EFHD1: variants seen among roughly 807,000 people sequenced by gnomAD.
The protein encoded by EFHD1 is EF-hand domain-containing protein D1.
EFHD1 carries 10 observed loss-of-function variants against 17.2 expected under a neutral mutation model. That is an observed-to-expected ratio of 0.58 (90% CI 0.36 to 0.99). The LOEUF is 0.99. Among genes scored for constraint, EFHD1 ranks in the 50% least tolerant of loss-of-function variants. The pLI, the probability that EFHD1 is intolerant of heterozygous loss-of-function variation, is 0.01. For missense variants in EFHD1, 310 were observed against 327.5 expected (o/e 0.95, Z 0.41); for synonymous variants, 153 against 142.0 (o/e 1.08, Z -0.55).
chr2:232,649,312 C>T (rs189966718), intron 1 of EFHD1, among the ~76,000 whole-genome samples: 9 of 152,300 alleles, frequency 5.9e-5, no homozygotes, highest in African/African-American at 1.7e-4. Flanking sequence ...GTCAAGCGGC[C>T]CACACAGTCA....
intron 1 of EFHD1, among the ~76,000 whole-genome samples, chr2:232,652,957 T>A (rs1694686776): frequency 6.6e-6 from 1 of 152,090 alleles, no homozygotes; most frequent in African/African-American, 2.4e-5. Flanking sequence ...CTTTATTATT[T>A]TTTTTCTTTT....
chr2:232,651,608 T>C (rs1247125154), intron 1 of EFHD1, among the ~76,000 whole-genome samples: 1 of 152,204 alleles, frequency 6.6e-6, no homozygotes, highest in Non-Finnish European at 1.5e-5. Context: ...GATGAGCACA[T>C]TGAGGATTCT....
At chr2:232,607,750 T>C (rs904336718) in intron 1 of EFHD1, among the ~76,000 whole-genome samples, 2 of 149,906 alleles carry the variant, frequency 1.3e-5, no homozygotes, top group Non-Finnish European at 3.0e-5. Flanking sequence ...CAAGACCCTA[T>C]CTCAAAAAAA....
chr2:232,610,687 G>C (rs1693800482), intron 1 of EFHD1: 1 of 152,214 alleles, frequency 6.6e-6, no homozygotes, highest in South Asian at 2.1e-4. Flanking sequence ...AGACCACCCT[G>C]GGCAACATGG....
intron 1 of EFHD1, among the ~76,000 whole-genome samples, chr2:232,613,674 AT>A (rs1426147338): frequency 3.0e-4 from 32 of 105,768 alleles, no homozygotes; most frequent in Admixed American, 2.0e-3. Flanking sequence ...ACACACACAA[AT>A]ATACACACAT....
intron 3 of EFHD1, among the ~76,000 whole-genome samples, chr2:232,672,816 T>C (rs1695103812): frequency 6.6e-6 from 1 of 152,198 alleles, no homozygotes; most frequent in Non-Finnish European, 1.5e-5. Context: ...TTTTAGTTTA[T>C]TCTGGAAGCT....
intron 2 of EFHD1, among the ~76,000 whole-genome samples, chr2:232,664,606 G>A (rs1459755991): frequency 1.6e-5 from 1 of 62,678 alleles, no homozygotes; most frequent in South Asian, 7.1e-4. Context: ...CCCCAAAATA[G>A]TTTTTTTTTT....
At chr2:232,657,604 G>A (rs1307831958) in intron 1 of EFHD1, among the ~76,000 whole-genome samples, 1 of 152,028 alleles carries the variant, frequency 6.6e-6, no homozygotes, top group African/African-American at 2.4e-5. Flanking sequence ...GAGGTCAGGA[G>A]TTCGAGACCC....
chr2:232,653,790 G>A (rs924210951), intron 1 of EFHD1, among the ~76,000 whole-genome samples: 1 of 152,192 alleles, frequency 6.6e-6, no homozygotes, highest in Non-Finnish European at 1.5e-5. Context: ...GTACCCAGCT[G>A]GTGGCTCTCA....
intron 3 of EFHD1, among the ~76,000 whole-genome samples, chr2:232,675,223 GAGAA>G (rs997646987): frequency 2.3e-4 from 34 of 144,940 alleles, no homozygotes; most frequent in South Asian, 2.2e-3. Flanking sequence ...AGGAAGGAAG[GAGAA>G]AGAAAGAGAG....
intron 3 of EFHD1, among the ~76,000 whole-genome samples, chr2:232,680,370 G>A: frequency 1.4e-5 from 1 of 69,272 alleles, no homozygotes; most frequent in Non-Finnish European, 2.8e-5. Flanking sequence ...TTTTAGATGG[G>A]TTTATCTGAT....
upstream of EFHD1, among the ~76,000 whole-genome samples, chr2:232,632,644 G>C (rs771646260): frequency 4.0e-5 from 6 of 151,668 alleles, no homozygotes; most frequent in Non-Finnish European, 8.8e-5. Context: ...TTTATTTTTA[G>C]AGCCAGGGTC....
At chr2:232,631,268 C>CTCTCTCTCTCTCTTTCTT (rs1694196211), upstream of EFHD1, among the ~76,000 whole-genome samples, 1 of 151,412 alleles carries the variant, frequency 6.6e-6, no homozygotes, top group Non-Finnish European at 1.5e-5. Context: ...AAGTTTCTCT[C>CTCTCTCTCTCTCTTTCTT]TCTCTCTCTC....
chr2:232,613,901 TACAAATATACACAC>T (rs1693864345), intron 1 of EFHD1, among the ~76,000 whole-genome samples: 1 of 126,306 alleles, frequency 7.9e-6, no homozygotes, highest in South Asian at 2.4e-4. Flanking sequence ...CACAAACACA[TACAAATATACACAC>T]ACAAATATAT....
At chr2:232,666,065 G>T (rs988827514) in intron 2 of EFHD1, among the ~76,000 whole-genome samples, 1 of 152,226 alleles carries the variant, frequency 6.6e-6, no homozygotes, top group Admixed American at 6.5e-5. Flanking sequence ...GAGGTCTGCA[G>T]CAGAACTGGC....
intron 1 of EFHD1, among the ~76,000 whole-genome samples, chr2:232,609,397 T>C (rs982943752): frequency 1.3e-5 from 2 of 152,162 alleles, no homozygotes; most frequent in African/African-American, 4.8e-5. Context: ...ATGAAGTGTT[T>C]GCAAACATAG....
At chr2:232,623,713 G>GA (rs1553595801) in intron 1 of EFHD1, among the ~76,000 whole-genome samples, 13 of 125,496 alleles carry the variant, frequency 1.0e-4, no homozygotes, top group African/African-American at 3.8e-4. Flanking sequence ...AGAAGAAGAA[G>GA]AAGAAAGAAA....
intron 1 of EFHD1, among the ~76,000 whole-genome samples, chr2:232,640,580 G>A (rs1263272737): frequency 6.6e-6 from 1 of 152,082 alleles, no homozygotes; most frequent in Non-Finnish European, 1.5e-5. Context: ...ATATATACTT[G>A]TATAATCTGG....
rs1208927225 is a variant in EFHD1 at position 232,682,773 on chromosome 2, T to C, written c.*1054T>C. ...TTACAATAAAGAAATCATCTGCCTT[T>C]CTATCTTACAGCTATTTCTTTTTAC... is the stretch of plus-strand genomic sequence containing the variant. On this transcript the variant is annotated 3_prime_UTR_variant, in exon 4 of 4. Transcript: ENST00000264059. 3 of 152,250 alleles carry C rather than the reference T, an allele frequency of 2.0e-5. No individual in the cohort carries two copies. Among genetic ancestry groups the C allele is most frequent in the Non-Finnish European group, 4.4e-5 (3 of 68,042 alleles). 9.4% of individuals were successfully genotyped at this position (152,250 alleles called of 1,614,324 possible).
Sources: gnomAD v4.1 joint callset for allele counts (sites outside exome capture counted in the v4.1 genomes callset) on GRCh38, gnomAD v4.1.1 for gene constraint, MANE v1.5 for transcripts, NCBI Gene and HGNC (gene_info 2026-07-23, HGNC 2026-07-21) for gene names.